Variants in WWOX observed in about 807,000 individuals in gnomAD.
WWOX encodes WW domain-containing oxidoreductase.
Under a neutral mutation model 46.2 loss-of-function variants are expected in WWOX, and 69 were observed. The ratio of observed to expected loss-of-function variants is 1.49; its 90% confidence interval spans 1.23 to 1.82. The LOEUF is 1.82. Ranked by LOEUF, WWOX falls within the 40% of genes most tolerant of loss-of-function variation. The probability of loss-of-function intolerance (pLI) is 0.00; values close to 1 mark genes in which losing one functional copy is unlikely to be tolerated. For missense variants in WWOX, 919 were observed against 542.6 expected (o/e 1.69, Z -6.89); for synonymous variants, 359 against 202.6 (o/e 1.77, Z -6.56).
At chr16:78,709,658 C>G (rs531444071) in intron 8 of WWOX, among the ~76,000 whole-genome samples, 4 of 152,010 alleles carry the variant, frequency 2.6e-5, no homozygotes, top group African/African-American at 9.7e-5. Context: ...AACCAACTGC[C>G]CTGTGATTCC....
At chr16:78,363,142 G>A (rs1462354988) in intron 5 of WWOX, among the ~76,000 whole-genome samples, 1 of 151,924 alleles carries the variant, frequency 6.6e-6, no homozygotes, top group Non-Finnish European at 1.5e-5. Context: ...GTGTGTGTAT[G>A]TGTTTGTGTG....
chr16:78,655,721 T>C (rs2047065773), intron 8 of WWOX, among the ~76,000 whole-genome samples: 1 of 152,144 alleles, frequency 6.6e-6, no homozygotes, highest in African/African-American at 2.4e-5. Flanking sequence ...TTCCTGGCTG[T>C]GGTTCCTATT....
At chr16:78,711,093 C>G (rs554524369) in intron 8 of WWOX, among the ~76,000 whole-genome samples, 3 of 152,284 alleles carry the variant, frequency 2.0e-5, no homozygotes, top group East Asian at 3.9e-4. Context: ...AGAGAGATTA[C>G]TTCCAACACG....
intron 8 of WWOX, among the ~76,000 whole-genome samples, chr16:79,133,378 A>C (rs1232130462): frequency 1.3e-5 from 2 of 152,182 alleles, no homozygotes; most frequent in South Asian, 4.1e-4. Flanking sequence ...TCAGTTCCTT[A>C]AATGGGAGCA....
chr16:78,862,677 G>A (rs1489268784), intron 8 of WWOX, among the ~76,000 whole-genome samples: 1 of 152,120 alleles, frequency 6.6e-6, no homozygotes, highest in Non-Finnish European at 1.5e-5. Context: ...CCAAGTCTGA[G>A]TCCAAGGGCA....
intron 8 of WWOX, among the ~76,000 whole-genome samples, chr16:79,149,830 C>T (rs898988971): frequency 1.3e-5 from 2 of 152,164 alleles, no homozygotes; most frequent in African/African-American, 4.8e-5. Flanking sequence ...TCCTCCTATA[C>T]CCCATCAGCC....
intron 8 of WWOX, among the ~76,000 whole-genome samples, chr16:79,054,030 G>T (rs1439810534): frequency 6.6e-6 from 1 of 151,998 alleles, no homozygotes; most frequent in African/African-American, 2.4e-5. Flanking sequence ...AACAGTGCTT[G>T]CAAATTTTAT....
intron 8 of WWOX, among the ~76,000 whole-genome samples, chr16:79,161,054 A>G (rs2050477156): frequency 6.6e-6 from 1 of 152,222 alleles, no homozygotes; most frequent in Non-Finnish European, 1.5e-5. Flanking sequence ...CACTGCTGAT[A>G]TAGGAGATCA....
intron 8 of WWOX, among the ~76,000 whole-genome samples, chr16:78,816,324 G>C (rs536852321): frequency 5.9e-5 from 9 of 152,050 alleles, no homozygotes; most frequent in African/African-American, 2.2e-4. Flanking sequence ...ATTTTTTCCT[G>C]ATATATCGAG....
intron 5 of WWOX, among the ~76,000 whole-genome samples, chr16:78,376,763 G>A (rs903463884): frequency 6.6e-6 from 1 of 152,160 alleles, no homozygotes; most frequent in East Asian, 1.9e-4. Context: ...CTAGCAGTTA[G>A]AATGGCCTCT....
intron 8 of WWOX, among the ~76,000 whole-genome samples, chr16:78,755,350 C>T (rs555742430): frequency 6.6e-6 from 1 of 151,998 alleles, no homozygotes; most frequent in Non-Finnish European, 1.5e-5. Flanking sequence ...ATAGAAAATG[C>T]AGTGGGTAGC....
intron 8 of WWOX, among the ~76,000 whole-genome samples, chr16:78,914,921 C>T (rs1394493030): frequency 6.6e-6 from 1 of 150,936 alleles, no homozygotes; most frequent in Non-Finnish European, 1.5e-5. Flanking sequence ...GATGGCCCTG[C>T]CCTTGAGCAG....
chr16:78,709,078 G>A (rs958404154), intron 8 of WWOX, among the ~76,000 whole-genome samples: 2 of 152,126 alleles, frequency 1.3e-5, no homozygotes, highest in African/African-American at 4.8e-5. Flanking sequence ...TCATTCATCT[G>A]AAAGGTTTAT....
At chr16:79,086,288 A>G (rs2048852740) in intron 8 of WWOX, among the ~76,000 whole-genome samples, 1 of 152,192 alleles carries the variant, frequency 6.6e-6, no homozygotes, top group South Asian at 2.1e-4. Flanking sequence ...GTTAAGTTCT[A>G]GTTTCTTATT....
At chr16:78,166,545 C>A (rs534622857) in intron 5 of WWOX, among the ~76,000 whole-genome samples, 1 of 151,000 alleles carries the variant, frequency 6.6e-6, no homozygotes, top group African/African-American at 2.4e-5. Context: ...TTTCTTTTTT[C>A]TTTTTTTTCT....
intron 5 of WWOX, among the ~76,000 whole-genome samples, chr16:78,236,970 A>G (rs1347269992): frequency 6.7e-6 from 1 of 149,886 alleles, no homozygotes; most frequent in Non-Finnish European, 1.5e-5. Flanking sequence ...GCTACTCAGG[A>G]GGCTGAGGCA....
At chr16:78,495,475 G>A (rs2084893839) in intron 8 of WWOX, among the ~76,000 whole-genome samples, 1 of 148,088 alleles carries the variant, frequency 6.8e-6, no homozygotes, top group South Asian at 2.2e-4. Context: ...TTTTTCTCAA[G>A]GTGTAGATTT....
At chr16:78,718,271 C>G (rs2048614936) in intron 8 of WWOX, among the ~76,000 whole-genome samples, 1 of 151,568 alleles carries the variant, frequency 6.6e-6, no homozygotes, top group South Asian at 2.1e-4. Flanking sequence ...ATATGCATTT[C>G]CATGTTAAGA....
chr16:78,999,571 T>C (rs533684724), intron 8 of WWOX, among the ~76,000 whole-genome samples: 3 of 152,348 alleles, frequency 2.0e-5, no homozygotes, highest in African/African-American at 4.8e-5. Flanking sequence ...CAAAATGTTA[T>C]TCAGGGGAGA....
Sources: allele counts gnomAD v4.1 joint callset (sites outside exome capture counted in the v4.1 genomes callset), GRCh38; gene constraint gnomAD v4.1.1; transcripts MANE v1.5; gene names NCBI Gene and HGNC (gene_info 2026-07-23, HGNC 2026-07-21).